LAPTM4B: variants seen among roughly 807,000 people sequenced by gnomAD.
LAPTM4B encodes lysosomal-associated transmembrane protein 4B.
LAPTM4B carries 26 observed loss-of-function variants against 28.5 expected under a neutral mutation model. The ratio of observed to expected loss-of-function variants is 0.91; its 90% CI spans 0.67 to 1.27. The LOEUF is 1.27. Among genes scored for constraint, LAPTM4B ranks in the 50% most tolerant of loss-of-function variants. LAPTM4B has a pLI of 0.00. For missense variants in LAPTM4B, 288 were observed against 285.8 expected (o/e 1.01, Z -0.06); for synonymous variants, 109 against 106.4 (o/e 1.02, Z -0.15).
chr8:97,843,244 T>C, intron 6 of LAPTM4B, among the ~76,000 whole-genome samples: 1 of 151,878 alleles, frequency 6.6e-6, no homozygotes, highest in East Asian at 1.9e-4. Flanking sequence ...CTGGCCAACA[T>C]GGTGAAACCC....
At chr8:97,839,181 A>G (rs188779339) in intron 6 of LAPTM4B, among the ~76,000 whole-genome samples, 1 of 152,006 alleles carries the variant, frequency 6.6e-6, no homozygotes, top group African/African-American at 2.4e-5. Flanking sequence ...TATTCTTCCA[A>G]CAATTTTTTT....
In LAPTM4B at chr8:97,819,206, C is replaced by T. The variant is rs201210090; in HGVS notation, c.475C>T (p.Leu159Phe). ...VNPTCLVLII[L>F]LFISIILTFK... ...TCCTACCTGTTTGGTCCTTATTATT[C>T]TTCTGTTTATTAGCATTATCTTGAC... is the stretch of plus-strand genomic sequence containing the variant. Residue 159 changes from leucine to phenylalanine, a missense_variant, in exon 5 of 7, where the codon CTT (leucine) becomes TTT (phenylalanine). Transcript: ENST00000521545. The T allele has an allele frequency of 6.2e-7, 1 of 1,604,858 alleles. No individual in the cohort carries two copies. Among genetic ancestry groups the T allele is most frequent in the Admixed American group, 1.7e-5 (1 of 59,662 alleles).
intron 4 of LAPTM4B, among the ~76,000 whole-genome samples, chr8:97,817,349 G>A (rs1045908686): frequency 1.3e-5 from 2 of 151,634 alleles, no homozygotes; most frequent in African/African-American, 2.4e-5. Flanking sequence ...TGTTGCCCAG[G>A]CTTGTCTCAA....
At chr8:97,794,467 A>C (rs774412896) in intron 1 of LAPTM4B, among the ~76,000 whole-genome samples, 1 of 152,202 alleles carries the variant, frequency 6.6e-6, no homozygotes, top group Non-Finnish European at 1.5e-5. Flanking sequence ...AATGTTGGGC[A>C]CATAGTAGGT....
chr8:97,827,545 T>C (rs911288853), intron 6 of LAPTM4B, among the ~76,000 whole-genome samples: 2 of 152,218 alleles, frequency 1.3e-5, no homozygotes, highest in Admixed American at 6.5e-5. Flanking sequence ...AACCTCAACT[T>C]GAAGGCTGGT....
At chr8:97,843,813 A>AAATAAATC (rs768901632) in intron 6 of LAPTM4B, among the ~76,000 whole-genome samples, 2 of 146,168 alleles carry the variant, frequency 1.4e-5, no homozygotes, top group Admixed American at 1.3e-4. Context: ...ATAAATAAAT[A>AAATAAATC]AATCATTTGC....
intron 4 of LAPTM4B, among the ~76,000 whole-genome samples, chr8:97,818,741 C>T (rs1351880698): frequency 1.3e-5 from 2 of 152,140 alleles, no homozygotes; most frequent in East Asian, 1.9e-4. Context: ...CTCTGTCGCC[C>T]GGGCGGCTGG....
intron 2 of LAPTM4B, among the ~76,000 whole-genome samples, chr8:97,810,073 G>A (rs982498188): frequency 4.6e-5 from 7 of 152,078 alleles, no homozygotes; most frequent in Admixed American, 1.3e-4. Context: ...GTAACTAGAG[G>A]CATGAGCCAC....
rs1217864819 is a variant in LAPTM4B, at chr8:97,816,068, C to G, written c.296C>G (p.Ala99Gly). 1 of 1,612,228 alleles carries G rather than the reference C, an allele frequency of 6.2e-7. No homozygotes were observed. The highest frequency in any genetic ancestry group is 1.1e-5 in the South Asian group (1 of 90,560). Residue 99 changes from alanine to glycine, a missense_variant, in exon 4 of 7, where the codon GCC becomes GGC. Physicochemically the swap from Ala to Gly is moderately conservative, Grantham distance 60. Transcript: ENST00000521545. ...ATYGAYKQRA[A>G]WIIPFFCYQI... is the part of the protein sequence containing the mutation. ...TTCTGTTCTGTTTAGCAACGCGCAGCCTGGATCATCCCATTCTTCTGTTAC... is the reference window on the plus strand; with the variant it reads ...TTCTGTTCTGTTTAGCAACGCGCAGGCTGGATCATCCCATTCTTCTGTTAC...
Position 97,852,096 on chromosome 8 carries a change from CTGACTGT to C in LAPTM4B, c.*624_*630del, listed in dbSNP as rs1817533258. ...AGGCCGTGGGAGCAGTGACCATCTG[CTGACTGT>C]TCTTGTGGATCTTGTGTCCAGGGAC... On this transcript the variant is annotated 3_prime_UTR_variant, in exon 7 of 7. Coordinates refer to ENST00000521545, the MANE Select transcript of LAPTM4B (RefSeq NM_018407.6). 1 of 153,234 alleles carries C rather than the reference CTGACTGT, an allele frequency of 6.5e-6. No homozygotes were observed. Among genetic ancestry groups the C allele is most frequent in the South Asian group, 2.1e-4 (1 of 4,854 alleles). The allele number at this position is 153,234 out of a possible 1,614,324, so 9.5% of individuals were successfully genotyped here. A position where few individuals can be genotyped will look rare whatever the true frequency, so the allele number is the denominator to read the frequency against.
intron 1 of LAPTM4B, among the ~76,000 whole-genome samples, chr8:97,781,278 CTTTTTTTTT>C (rs71271147): frequency 2.0e-5 from 1 of 50,840 alleles, no homozygotes; most frequent in South Asian, 9.6e-4. Context: ...TGTGCCCGGC[CTTTTTTTTT>C]TTTTTTTTTT....
Position 97,851,524 on chromosome 8 carries a change from T to A in LAPTM4B, c.*50T>A, listed in dbSNP as rs1429553716. 5.3e-6 allele frequency: 7 copies of A among 1,321,734 alleles called. No homozygotes were observed. The highest frequency in any genetic ancestry group is 5.1e-5 in the Admixed American group (3 of 59,308). The allele number at this position is 1,321,734 out of a possible 1,614,324, so 81.9% of individuals were successfully genotyped here. A position where few individuals can be genotyped will look rare whatever the true frequency, so the allele number is the denominator to read the frequency against. On this transcript the variant is annotated 3_prime_UTR_variant, in exon 7 of 7. Transcript: ENST00000521545. ...GCAGCAGCTTGACTTTGCAGACATC[T>A]GAGCAATAGTTCTGTTATTTCACTT...
At chr8:97,787,958 C>T (rs1816433308) in intron 1 of LAPTM4B, among the ~76,000 whole-genome samples, 1 of 152,174 alleles carries the variant, frequency 6.6e-6, no homozygotes, top group African/African-American at 2.4e-5. Context: ...GCCAGCCTCC[C>T]AAGTAGCTGA....
chr8:97,851,276 A>G (rs1817519457), intron 6 of LAPTM4B, 121 bp from the exon 7 acceptor site: 1 of 804,760 alleles, frequency 1.2e-6, no homozygotes, highest in Non-Finnish European at 2.1e-6. Context: ...CTTGCTAGAA[A>G]ATTGAACTTG....
chr8:97,825,786 A>G (rs1034927739), intron 6 of LAPTM4B, among the ~76,000 whole-genome samples: 1 of 152,246 alleles, frequency 6.6e-6, no homozygotes, highest in Non-Finnish European at 1.5e-5. Context: ...AGATGAAGGT[A>G]TAAGTCCTCA....
At chr8:97,790,988 T>G (rs1816487996) in intron 1 of LAPTM4B, among the ~76,000 whole-genome samples, 1 of 152,168 alleles carries the variant, frequency 6.6e-6, no homozygotes, top group Non-Finnish European at 1.5e-5. Flanking sequence ...CATTGCAACC[T>G]CGGACCTTTC....
intron 1 of LAPTM4B, among the ~76,000 whole-genome samples, chr8:97,793,994 T>C (rs1361735348): frequency 6.6e-6 from 1 of 152,194 alleles, no homozygotes; most frequent in Non-Finnish European, 1.5e-5. Flanking sequence ...GTTTTTTGTT[T>C]TTTTTGACAG....
intron 1 of LAPTM4B, among the ~76,000 whole-genome samples, chr8:97,777,137 G>GTTTTTTTTTTTTTTTTTTTTTTT (rs1176218610): frequency 1.2e-5 from 1 of 83,840 alleles, no homozygotes; most frequent in Non-Finnish European, 2.3e-5. Context: ...TTTCAGTGAG[G>GTTTTTTTTTTTTTTTTTTTTTTT]TTTTTTTTTT....
intron 1 of LAPTM4B, among the ~76,000 whole-genome samples, chr8:97,782,164 G>A (rs958761131): frequency 5.3e-5 from 8 of 149,686 alleles, no homozygotes; most frequent in East Asian, 4.1e-4. Context: ...ATTTTTAGTA[G>A]ATAACAGGAT....
Sources: allele counts gnomAD v4.1 joint callset (sites outside exome capture counted in the v4.1 genomes callset), GRCh38; gene constraint gnomAD v4.1.1; transcripts MANE v1.5; gene names NCBI Gene and HGNC (gene_info 2026-07-23, HGNC 2026-07-21).